Variants in PTPRT observed in about 807,000 individuals in gnomAD.
PTPRT encodes the protein protein tyrosine phosphatase receptor type T.
In PTPRT, 56 loss-of-function variants were observed where a neutral mutation model predicts 176.8. The ratio of observed to expected loss-of-function variants is 0.32; its 90% CI spans 0.26 to 0.40. PTPRT has a LOEUF of 0.40. PTPRT is among the 10% of genes least tolerant of loss of function. The pLI is 1.00. For synonymous variants in PTPRT, 783 were observed against 739.0 expected, an observed-to-expected ratio of 1.06 and a Z score of -0.96; for missense variants, 1,540 against 1,908.2, an observed-to-expected ratio of 0.81 and a Z score of 3.60.
chr20:42,527,064 C>T lies in PTPRT; in HGVS notation c.1154-54502G>A, dbSNP rs545022722. 1.5e-4 allele frequency among the ~76,000 whole-genome samples: 23 copies of T among 148,700 alleles called. 2 individuals carry two copies. The highest frequency in any genetic ancestry group is 1.3e-3 in the Admixed American group (19 of 14,768). On this transcript the variant is annotated intron_variant, in intron 7 of 30. Coordinates refer to ENST00000373187, the MANE Select transcript of PTPRT (RefSeq NM_007050.6). The stretch of plus-strand genomic sequence containing the variant: ...CTGCAAGCTCCTCCTCCCGGGTTCA[C>T]GCCATTCTCCTGCCTCAGCCTCCCA...
intron 12 of PTPRT, among the ~76,000 whole-genome samples, chr20:42,315,364 CT>C (rs1428101263): frequency 6.6e-6 from 1 of 151,998 alleles, no homozygotes; most frequent in Non-Finnish European, 1.5e-5. Context: ...ATATGAAGAA[CT>C]TAAGGATCAG....
chr20:42,808,506 G>C (rs936586747), intron 2 of PTPRT, among the ~76,000 whole-genome samples: 1 of 152,124 alleles, frequency 6.6e-6, no homozygotes, highest in African/African-American at 2.4e-5. Context: ...CTGGTGAGAG[G>C]GGATGTGGAG....
intron 2 of PTPRT, among the ~76,000 whole-genome samples, chr20:42,794,592 A>G (rs1056841581): frequency 6.6e-6 from 1 of 152,222 alleles, no homozygotes. Flanking sequence ...GGTTCCCTGA[A>G]TGAGCACAAC....
chr20:42,489,670 A>G (rs1244811568), intron 7 of PTPRT, among the ~76,000 whole-genome samples: 2 of 151,824 alleles, frequency 1.3e-5, no homozygotes. Flanking sequence ...TACTTTATTC[A>G]CTCAGCATTA....
intron 1 of PTPRT, among the ~76,000 whole-genome samples, chr20:43,045,022 C>T (rs549020520): frequency 3.9e-4 from 60 of 152,292 alleles, no homozygotes; most frequent in Admixed American, 7.2e-4. Flanking sequence ...CACTGTAAGA[C>T]GGGCAGGCAG....
chr20:42,867,543 G>C (rs1452374942), intron 2 of PTPRT, among the ~76,000 whole-genome samples: 2 of 151,730 alleles, frequency 1.3e-5, no homozygotes, highest in East Asian at 1.9e-4. Flanking sequence ...TTCTGGCAGG[G>C]TTCCAGCTCA....
chr20:42,250,497 T>C (rs1338036012), intron 13 of PTPRT, among the ~76,000 whole-genome samples: 1 of 139,512 alleles, frequency 7.2e-6, no homozygotes, highest in Non-Finnish European at 1.6e-5. Flanking sequence ...ATGCACCCCC[T>C]TTTTTTTTGC....
intron 14 of PTPRT, among the ~76,000 whole-genome samples, chr20:42,245,086 C>T (rs2056425332): frequency 6.6e-6 from 1 of 152,170 alleles, no homozygotes; most frequent in Non-Finnish European, 1.5e-5. Flanking sequence ...GTACATTTTA[C>T]TACATAATGA....
chr20:42,592,149 T>G (rs1299543324), intron 7 of PTPRT, among the ~76,000 whole-genome samples: 1 of 146,614 alleles, frequency 6.8e-6, no homozygotes, highest in South Asian at 2.3e-4. Flanking sequence ...CCAGCTAATT[T>G]TTTTTTTTTT....
At chr20:42,239,929 G>T (rs1056228797) in intron 14 of PTPRT, among the ~76,000 whole-genome samples, 2 of 152,182 alleles carry the variant, frequency 1.3e-5, no homozygotes, top group African/African-American at 4.8e-5. Context: ...CTAGGTCAAA[G>T]GCTTTGTGTA....
At chr20:42,366,347 C>T (rs566713662) in intron 9 of PTPRT, among the ~76,000 whole-genome samples, 42 of 152,318 alleles carry the variant, frequency 2.8e-4, no homozygotes, top group Non-Finnish European at 2.9e-4. Flanking sequence ...ACCCCTGCCC[C>T]AGTCTACCCC....
chr20:42,477,053 G>C (rs534795634), intron 7 of PTPRT, among the ~76,000 whole-genome samples: 2 of 152,138 alleles, frequency 1.3e-5, no homozygotes, highest in African/African-American at 4.8e-5. Flanking sequence ...AGTGTGCAGC[G>C]ACCTCAGTCC....
intron 1 of PTPRT, among the ~76,000 whole-genome samples, chr20:42,945,117 T>C (rs1278622529): frequency 6.7e-6 from 1 of 148,840 alleles, no homozygotes; most frequent in African/African-American, 2.4e-5. Flanking sequence ...GATATTTATA[T>C]ATATACTTTA....
At chr20:42,940,308 A>T (rs1980457891) in intron 1 of PTPRT, among the ~76,000 whole-genome samples, 1 of 152,112 alleles carries the variant, frequency 6.6e-6, no homozygotes, top group South Asian at 2.1e-4. Flanking sequence ...ATTCTGGGGG[A>T]TGTAAAATGT....
At chr20:42,482,517 G>A (rs775412629) in intron 7 of PTPRT, among the ~76,000 whole-genome samples, 3 of 152,206 alleles carry the variant, frequency 2.0e-5, no homozygotes, top group Non-Finnish European at 4.4e-5. Context: ...ACTGGATGTA[G>A]GAGTGAACCA....
Position 42,627,917 on chromosome 20 carries a change from T to C in PTPRT, c.1153+49949A>G, listed in dbSNP as rs149123206. ...GGAATGCTTGTCATTTGCTCAAATATTGTGAAGTCTTGTCTTTTCTTGGGC... is the reference window on the plus strand; with the variant it reads ...GGAATGCTTGTCATTTGCTCAAATACTGTGAAGTCTTGTCTTTTCTTGGGC... On this transcript the variant is annotated intron_variant, in intron 7 of 30. Coordinates refer to ENST00000373187, the MANE Select transcript of PTPRT (RefSeq NM_007050.6). 1.1e-4 allele frequency among the ~76,000 whole-genome samples: 17 copies of C among 152,286 alleles called. No individual in the cohort carries two copies. The East Asian group carries it at 2.1e-3, about 19-fold the overall frequency.
intron 2 of PTPRT, among the ~76,000 whole-genome samples, chr20:42,875,192 T>C (rs1568652121): frequency 6.6e-6 from 1 of 152,236 alleles, no homozygotes; most frequent in Non-Finnish European, 1.5e-5. Context: ...GGTTTTCCCA[T>C]TTATCTGGCA....
At chr20:42,498,444 T>C (rs1295810859) in intron 7 of PTPRT, among the ~76,000 whole-genome samples, 1 of 152,168 alleles carries the variant, frequency 6.6e-6, no homozygotes, top group Non-Finnish European at 1.5e-5. Context: ...AATTCCAACC[T>C]GATTCTAGTG....
intron 7 of PTPRT, among the ~76,000 whole-genome samples, chr20:42,556,231 G>T (rs1302612522): frequency 6.6e-6 from 1 of 152,152 alleles, no homozygotes; most frequent in Non-Finnish European, 1.5e-5. Flanking sequence ...CCATCCTTAA[G>T]TTACTTGAGG....
Sources: allele counts gnomAD v4.1 joint callset (sites outside exome capture counted in the v4.1 genomes callset), GRCh38; gene constraint gnomAD v4.1.1; transcripts MANE v1.5; gene names NCBI Gene and HGNC (gene_info 2026-07-23, HGNC 2026-07-21).